The following CDK5RAP1 variants were observed in gnomAD, a reference collection of about 807,000 sequenced individuals.
The protein encoded by CDK5RAP1 is mitochondrial tRNA methylthiotransferase CDK5RAP1.
CDK5RAP1 carries 62 observed loss-of-function variants against 64.5 expected under a neutral mutation model. The observed-to-expected ratio is 0.96, with a 90% CI of 0.78 to 1.19. The LOEUF is 1.19. Among genes scored for constraint, CDK5RAP1 ranks in the 50% most tolerant of loss-of-function variants. The pLI is 0.00. For missense variants in CDK5RAP1, 657 were observed against 735.0 expected, an observed-to-expected ratio of 0.89 and a Z score of 1.23; for synonymous variants, 250 against 261.9, an observed-to-expected ratio of 0.95 and a Z score of 0.44.
At chr20:33,372,520 G>C (rs1227359866) in intron 10 of CDK5RAP1, 122 bp downstream of exon 10, 2 of 525,430 alleles carry the variant, frequency 3.8e-6, no homozygotes, top group South Asian at 3.6e-5. Flanking sequence ...AGAGAAAGAA[G>C]AAGAGCACAA....
Position 33,360,437 on chromosome 20 carries a change from C to T in CDK5RAP1, c.1597G>A (p.Val533Met). The T allele has an allele frequency of 6.2e-7, 1 of 1,613,872 alleles. No homozygotes were observed. Among genetic ancestry groups the T allele is most frequent in the Non-Finnish European group, 8.5e-7 (1 of 1,179,794 alleles). ...TCCATCTCTGCATCAGGGAAGATCACCTTAAGGTTTCCATCATTCCTGCCA... is the reference window on the plus strand; with the variant it reads ...TCCATCTCTGCATCAGGGAAGATCATCTTAAGGTTTCCATCATTCCTGCCA... ...LCGRNDGNLK[V>M]IFPDAEMEDV... Residue 533 changes from valine (V) to methionine (M), a missense_variant, in exon 13 of 14, where the codon GTG (valine) becomes ATG (methionine). Coordinates refer to ENST00000346416, the MANE Select transcript of CDK5RAP1 (RefSeq NM_016408.4).
chr20:33,379,429 T>C (rs1986459301), intron 8 of CDK5RAP1, 32 bp downstream of exon 8: 12 of 1,477,508 alleles, frequency 8.1e-6, no homozygotes, highest in Admixed American at 1.7e-5. Flanking sequence ...AGAATACTAA[T>C]ATCAGTTTGT....
chr20:33,380,551 A>T (rs1407351378), intron 7 of CDK5RAP1, among the ~76,000 whole-genome samples: 1 of 152,256 alleles, frequency 6.6e-6, no homozygotes, highest in Non-Finnish European at 1.5e-5. Context: ...CATAGAAGAT[A>T]CATACTGAAG....
In CDK5RAP1 at chr20:33,387,418, C is replaced by T. The variant is rs986081846; in HGVS notation, c.660G>A (p.Ser220=). Residue 220 remains serine (S), a synonymous_variant, in exon 6 of 14, where the codon TCG becomes TCA. Transcript: ENST00000346416. The part of the protein sequence containing the change: ...DLPRLLAVAE[S]GQQAANVLLS... ...GCAGCACGTTGGCAGCTTGCTGGCC[C>T]GACTCAGCAACAGCCAGCAGCCGGG... 3.0e-5 allele frequency: 48 copies of T among 1,614,078 alleles called. No homozygotes were observed. Among genetic ancestry groups the T allele is most frequent in the Non-Finnish European group, 3.4e-5 (40 of 1,180,004 alleles).
chr20:33,370,482 C>G lies in CDK5RAP1; in HGVS notation c.1392+17G>C, dbSNP rs756854389. The G allele has an allele frequency of 6.2e-7, 1 of 1,613,648 alleles. No homozygotes were observed. The highest frequency in any genetic ancestry group is 1.1e-5 in the South Asian group (1 of 91,014). On this transcript the variant is annotated intron_variant, in intron 11 of 13. Transcript: ENST00000346416. The stretch of plus-strand genomic sequence containing the variant: ...TGGTCAGGAATGATGTCAGTCCTCC[C>G]CAACCCCAGGGCTCACCTGTCTCAT...
At chr20:33,364,549 T>C (rs1983536423) in intron 12 of CDK5RAP1, among the ~76,000 whole-genome samples, 1 of 152,096 alleles carries the variant, frequency 6.6e-6, no homozygotes, top group Non-Finnish European at 1.5e-5. Flanking sequence ...TGAAACAAGA[T>C]TAGTCAAGTA....
intron 11 of CDK5RAP1, among the ~76,000 whole-genome samples, chr20:33,369,131 T>A (rs1984560083): frequency 1.3e-5 from 2 of 150,716 alleles, no homozygotes; most frequent in East Asian, 2.0e-4. Flanking sequence ...AGAGCGAGAC[T>A]CTGTCTCAAA....
intron 12 of CDK5RAP1, among the ~76,000 whole-genome samples, chr20:33,366,232 T>C (rs947168932): frequency 4.6e-5 from 7 of 150,912 alleles, no homozygotes; most frequent in African/African-American, 1.7e-4. Context: ...GGCAGGAGAA[T>C]TGCTTGAGCC....
At chr20:33,380,932 A>G (rs1232707980) in intron 7 of CDK5RAP1, among the ~76,000 whole-genome samples, 1 of 152,162 alleles carries the variant, frequency 6.6e-6, no homozygotes, top group Non-Finnish European at 1.5e-5. Context: ...CCCAGGAGGC[A>G]GAGGCTGCAG....
At chr20:33,381,194 C>G (rs1489211043) in intron 7 of CDK5RAP1, among the ~76,000 whole-genome samples, 1 of 147,230 alleles carries the variant, frequency 6.8e-6, no homozygotes, top group Non-Finnish European at 1.5e-5. Context: ...CATATACACT[C>G]TCTCTCAACA....
rs373612936 is a variant in CDK5RAP1, at chr20:33,379,666, C to T, written c.902G>A (p.Gly301Asp). Residue 301 changes from glycine to aspartate, a missense_variant, in exon 8 of 14, where the codon GGT becomes GAT. By Grantham distance (94) the Gly-to-Asp change is moderately conservative (BLOSUM62 -1). Coordinates refer to ENST00000346416, the MANE Select transcript of CDK5RAP1 (RefSeq NM_016408.4). ...EQGLKEVTLLGQNVNSFRDNS... is the reference protein window; with the variant it reads ...EQGLKEVTLLDQNVNSFRDNS... The stretch of plus-strand genomic sequence containing the variant: ...GTCCCGAAAACTATTAACATTCTGA[C>T]CAAGAAGTGTCACTTCTTTCAGCCC... The T allele has an allele frequency of 6.2e-7, 1 of 1,613,902 alleles. No individual in the cohort carries two copies. Among genetic ancestry groups the T allele is most frequent in the Non-Finnish European group, 8.5e-7 (1 of 1,179,862 alleles).
chr20:33,387,326 A>G lies in CDK5RAP1; in HGVS notation c.752T>C (p.Phe251Ser), dbSNP rs762729936. ...TATCTCTTAGGCAGTGACTCACACA[A>G]AGGCAGACGTGGCACTGGCGCTTGT... The part of the protein sequence containing the change: ...VQTSASATSA[F>S]VSIMRGCDNM... The change falls in exon 6 of 14, where the codon TTT becomes TCT. Residue 251 changes from phenylalanine (F) to serine (S), a missense_variant. Physicochemically the swap from Phe to Ser is radical, Grantham distance 155. Transcript: ENST00000346416. 5 of 1,613,110 alleles carry G rather than the reference A, an allele frequency of 3.1e-6. No individual in the cohort carries two copies. The highest frequency in any genetic ancestry group is 2.2e-5 in the East Asian group (1 of 44,878).
intron 1 of CDK5RAP1, among the ~76,000 whole-genome samples, chr20:33,400,810 C>T (rs1989339438): frequency 6.6e-6 from 1 of 151,856 alleles, no homozygotes; most frequent in African/African-American, 2.4e-5. Flanking sequence ...GCAAGACTCC[C>T]GTCTCAAGAA....
chr20:33,379,440 C>T (rs769522075), intron 8 of CDK5RAP1, 21 bp downstream of exon 8: 68 of 1,554,292 alleles, frequency 4.4e-5, no homozygotes, highest in Non-Finnish European at 4.1e-5. Context: ...ATCAGTTTGT[C>T]ACAGCTAACC....
intron 7 of CDK5RAP1, among the ~76,000 whole-genome samples, chr20:33,382,452 G>C (rs1329401431): frequency 2.0e-5 from 3 of 152,126 alleles, no homozygotes; most frequent in Non-Finnish European, 4.4e-5. Flanking sequence ...AGGCCAAGGC[G>C]GGTAGATCAC....
chr20:33,392,016 G>T, intron 5 of CDK5RAP1, 126 bp downstream of exon 5: 1 of 653,812 alleles, frequency 1.5e-6, no homozygotes, highest in Non-Finnish European at 2.7e-6. Flanking sequence ...GTAAGTACAA[G>T]AATTGCATGG....
At chr20:33,399,006 A>G (rs1371605394) in intron 1 of CDK5RAP1, among the ~76,000 whole-genome samples, 1 of 152,156 alleles carries the variant, frequency 6.6e-6, no homozygotes, top group Non-Finnish European at 1.5e-5. Flanking sequence ...TGCTACCTAC[A>G]TTATACTACT....
intron 1 of CDK5RAP1, 119 bp downstream of exon 1, chr20:33,401,309 A>C: frequency 3.9e-6 from 3 of 771,706 alleles, no homozygotes; most frequent in Non-Finnish European, 4.7e-6. Flanking sequence ...CCCACGCCAT[A>C]ACCACCGTGC....
intron 11 of CDK5RAP1, among the ~76,000 whole-genome samples, chr20:33,368,099 A>G (rs1221422985): frequency 6.6e-6 from 1 of 152,248 alleles, no homozygotes; most frequent in Admixed American, 6.5e-5. Flanking sequence ...AATGTTGGAA[A>G]CCAAGACATT....
Sources: allele counts gnomAD v4.1 joint callset (sites outside exome capture counted in the v4.1 genomes callset), GRCh38; gene constraint gnomAD v4.1.1; transcripts MANE v1.5; gene names NCBI Gene and HGNC (gene_info 2026-07-23, HGNC 2026-07-21).